LRP11: variants seen among roughly 807,000 people sequenced by gnomAD.
The protein encoded by LRP11 is LDL receptor related protein 11, also known as low-density lipoprotein receptor-related protein 11.
LRP11 carries 25 observed loss-of-function variants against 43.1 expected under a neutral mutation model. That is an observed-to-expected ratio of 0.58 (90% CI 0.42 to 0.81). The LOEUF is 0.81. Among genes scored for constraint, LRP11 ranks in the 30% least tolerant of loss-of-function variants. The pLI, the probability that LRP11 is intolerant of heterozygous loss-of-function variation, is 0.00. For synonymous variants in LRP11, 316 were observed against 299.4 expected (o/e 1.06, Z -0.57); for missense variants, 623 against 665.1 (o/e 0.94, Z 0.70).
intron 6 of LRP11, among the ~76,000 whole-genome samples, chr6:149,822,205 T>C (rs1050975173): frequency 2.6e-5 from 4 of 152,174 alleles, no homozygotes; most frequent in African/African-American, 9.6e-5. Context: ...TAGCCAGTTG[T>C]GGCATGCACC....
chr6:149,827,277 A>G lies in LRP11; in HGVS notation c.1253-918T>C, dbSNP rs1194225950. 6.6e-6 allele frequency among the ~76,000 whole-genome samples: 1 copy of G among 152,192 alleles called. No homozygotes were observed. Among genetic ancestry groups the G allele is most frequent in the African/African-American group, 2.4e-5 (1 of 41,456 alleles). The stretch of plus-strand genomic sequence containing the variant: ...TTAAGTGGGATTTTTGAGTATTACA[A>G]TGCTTAATGGCAATGAATTAGAAAT... On this transcript the variant is annotated intron_variant, in intron 5 of 6. Coordinates refer to ENST00000239367, the MANE Select transcript of LRP11 (RefSeq NM_032832.6). This position sits in a 1 kb window ranked among gnomAD's most constrained non-coding sequence, Gnocchi z 4.2.
At chr6:149,850,691 G>A (rs1173869432) in intron 2 of LRP11, among the ~76,000 whole-genome samples, 1 of 152,086 alleles carries the variant, frequency 6.6e-6, no homozygotes. Context: ...TTTTCTCTAG[G>A]GTGAAAGTCA....
chr6:149,826,432 A>T (rs1414611991), intron 5 of LRP11, 73 bp from the exon 6 acceptor site: 7 of 1,072,070 alleles, frequency 6.5e-6, no homozygotes, highest in Non-Finnish European at 9.8e-6. Context: ...GTGAAAATAC[A>T]GCCTTATTTT....
At chr6:149,862,218 G>C (rs1018564249) in intron 1 of LRP11, among the ~76,000 whole-genome samples, 1 of 152,218 alleles carries the variant, frequency 6.6e-6, no homozygotes, top group African/African-American at 2.4e-5. Flanking sequence ...GTAGAGGTGG[G>C]GAGGGAGGCA....
rs143644486 is a variant in LRP11 at position 149,860,901 on chromosome 6, T to C, written c.613+2507A>G. Among the ~76,000 whole-genome samples the C allele has an allele frequency of 3.1e-3, 476 of 152,254 alleles. 3 individuals are homozygous for C. The highest frequency in any genetic ancestry group is 0.011 in the African/African-American group (453 of 41,542). On this transcript the variant is annotated intron_variant, in intron 1 of 6. Transcript: ENST00000239367. ...TTCGCTTGCCAAGCCTTGTATACAC[T>C]AGGGATTATAACAGAACCTAGGCCT... is the stretch of plus-strand genomic sequence containing the variant.
At chr6:149,860,551 C>G (rs997832074) in intron 1 of LRP11, among the ~76,000 whole-genome samples, 1 of 152,110 alleles carries the variant, frequency 6.6e-6, no homozygotes, top group Admixed American at 6.5e-5. Context: ...CATGTCCCCC[C>G]TTGAACCTCA....
chr6:149,840,495 A>G (rs1308212251), intron 3 of LRP11, among the ~76,000 whole-genome samples: 1 of 152,216 alleles, frequency 6.6e-6, no homozygotes, highest in Non-Finnish European at 1.5e-5. Flanking sequence ...ACAGCTGGCA[A>G]TTTACCTCTG....
intron 5 of LRP11, among the ~76,000 whole-genome samples, chr6:149,831,229 T>G (rs1776404305): frequency 6.6e-6 from 1 of 152,254 alleles, no homozygotes; most frequent in South Asian, 2.1e-4. Flanking sequence ...TGTTTTCATT[T>G]CATTTCCAGC....
chr6:149,850,269 C>T (rs1776698886), intron 2 of LRP11, among the ~76,000 whole-genome samples: 1 of 152,124 alleles, frequency 6.6e-6, no homozygotes, highest in Non-Finnish European at 1.5e-5. Flanking sequence ...CATCAGTGTT[C>T]CAGTCAGCAG....
chr6:149,824,986 G>A (rs764333529), intron 6 of LRP11, among the ~76,000 whole-genome samples: 5 of 152,190 alleles, frequency 3.3e-5, no homozygotes, highest in Non-Finnish European at 7.3e-5. Context: ...TCCCTTGATA[G>A]GGGACAGGGC....
rs370585264 is a variant in LRP11, at chr6:149,846,298, T to C, written c.772-3174A>G. 1.4e-4 allele frequency among the ~76,000 whole-genome samples: 22 copies of C among 152,342 alleles called. No homozygotes were observed. The East Asian group carries it at 4.2e-3, about 29-fold the overall frequency. On this transcript the variant is annotated intron_variant, in intron 2 of 6. Transcript: ENST00000239367. ...TGGTGGGCAGCAGTGCAATAGCTTA[T>C]GCCCTCATTTACTGTCTCTTGGGAC...
intron 2 of LRP11, among the ~76,000 whole-genome samples, chr6:149,849,601 T>TA (rs554892149): frequency 3.1e-4 from 46 of 149,692 alleles, no homozygotes; most frequent in South Asian, 1.3e-3. Flanking sequence ...TACAAAAAGT[T>TA]AAAAAAAAAA....
At position 149,837,410 on chromosome 6, in the gene LRP11, T is replaced by C. The variant is rs770094531; in HGVS notation, c.967A>G (p.Ile323Val). The change falls in exon 4 of 7, where the codon ATT becomes GTT. Residue 323 changes from isoleucine (I) to valine (V), a missense_variant. Ile to Val is a conservative substitution (Grantham distance 29). Transcript: ENST00000239367. ...YHFFCDDGCCIDITLACDGVQ... is the reference protein window; with the variant it reads ...YHFFCDDGCCVDITLACDGVQ... ...CCATCGCAGGCGAGCGTGATGTCAATGCAGCAGCCATCGTCACAGAAGAAG... is the reference window on the plus strand; with the variant it reads ...CCATCGCAGGCGAGCGTGATGTCAACGCAGCAGCCATCGTCACAGAAGAAG... 3.0e-5 allele frequency: 49 copies of C among 1,614,036 alleles called. No individual in the cohort carries two copies. The highest frequency in any genetic ancestry group is 4.0e-5 in the Non-Finnish European group (47 of 1,180,030).
rs555458869 is a variant in LRP11, at chr6:149,843,805, G to A, written c.772-681C>T. On this transcript the variant is annotated intron_variant, in intron 2 of 6. Coordinates refer to ENST00000239367, the MANE Select transcript of LRP11 (RefSeq NM_032832.6). The stretch of plus-strand genomic sequence containing the variant: ...GCTCCCTGAAAGGCCTGGCTGTGCC[G>A]TGCTTGCTGTTTCTGTTTGCTCACT... 3.9e-5 allele frequency among the ~76,000 whole-genome samples: 6 copies of A among 152,258 alleles called. No homozygotes were observed. The East Asian group carries it at 1.2e-3, about 29-fold the overall frequency.
intron 5 of LRP11, among the ~76,000 whole-genome samples, chr6:149,835,189 G>A (rs977818453): frequency 6.6e-6 from 1 of 152,204 alleles, no homozygotes; most frequent in Non-Finnish European, 1.5e-5. Flanking sequence ...ATGTTGCCCA[G>A]GCTGGTCTCA....
At chr6:149,836,412 C>T (rs545910939) in intron 4 of LRP11, 115 bp from the exon 5 acceptor site, 4 of 838,708 alleles carry the variant, frequency 4.8e-6, no homozygotes, top group Non-Finnish European at 7.6e-6. Context: ...TAACAGCCCA[C>T]TCATCTAAGA....
intron 3 of LRP11, chr6:149,842,490 A>G (rs1776562732): frequency 1.5e-6 from 1 of 687,724 alleles, no homozygotes; most frequent in Non-Finnish European, 2.6e-6. Context: ...GCAACAGATC[A>G]CCAGAACCTG....
intron 1 of LRP11, among the ~76,000 whole-genome samples, chr6:149,854,874 G>A (rs541517413): frequency 1.3e-5 from 2 of 152,278 alleles, no homozygotes; most frequent in South Asian, 4.1e-4. Flanking sequence ...GAGTTTCGGG[G>A]CTTACTGCAA....
At chr6:149,848,949 T>C (rs1387844698) in intron 2 of LRP11, among the ~76,000 whole-genome samples, 1 of 152,236 alleles carries the variant, frequency 6.6e-6, no homozygotes, top group Non-Finnish European at 1.5e-5. Flanking sequence ...TGTTGCCATA[T>C]GAGGACACAG....
Sources: gnomAD v4.1 joint callset for allele counts (sites outside exome capture counted in the v4.1 genomes callset) on GRCh38, gnomAD v4.1.1 for gene constraint, Gnocchi (gnomAD v3.1) non-coding constraint, MANE v1.5 for transcripts, NCBI Gene and HGNC (gene_info 2026-07-23, HGNC 2026-07-21) for gene names.